SNTG1: variants seen among roughly 807,000 people sequenced by gnomAD.
SNTG1 encodes syntrophin gamma 1.
In SNTG1, 39 loss-of-function variants were observed where a neutral mutation model predicts 74.7. The ratio of observed to expected loss-of-function variants is 0.52; its 90% confidence interval spans 0.40 to 0.68. The LOEUF is 0.68. SNTG1 is among the 30% of genes least tolerant of loss of function. The pLI is 0.00. For synonymous variants in SNTG1, 254 were observed against 217.1 expected (o/e 1.17, Z -1.49); for missense variants, 685 against 609.5 (o/e 1.12, Z -1.30).
chr8:50,640,711 C>T (rs1345719808), intron 13 of SNTG1, among the ~76,000 whole-genome samples: 2 of 152,124 alleles, frequency 1.3e-5, no homozygotes, highest in Non-Finnish European at 2.9e-5. Context: ...GGCCTTTCTG[C>T]TCTTGATCTG....
chr8:50,640,433 C>G (rs958259443), intron 13 of SNTG1, among the ~76,000 whole-genome samples: 1 of 152,278 alleles, frequency 6.6e-6, no homozygotes, highest in South Asian at 2.1e-4. Context: ...TCCTGCAGTT[C>G]TCTCAAGTGG....
intron 9 of SNTG1, among the ~76,000 whole-genome samples, chr8:50,510,579 G>A (rs923991860): frequency 6.6e-6 from 1 of 152,094 alleles, no homozygotes; most frequent in Non-Finnish European, 1.5e-5. Flanking sequence ...ATTAATTATT[G>A]CCACAATTTC....
chr8:49,963,906 C>G (rs1487051237), intron 1 of SNTG1, among the ~76,000 whole-genome samples: 1 of 152,158 alleles, frequency 6.6e-6, no homozygotes, highest in Admixed American at 6.6e-5. Context: ...TCATCAATGT[C>G]TGATATTTAA....
chr8:49,952,549 A>G (rs1809817271), intron 1 of SNTG1, among the ~76,000 whole-genome samples: 1 of 152,178 alleles, frequency 6.6e-6, no homozygotes, highest in Non-Finnish European at 1.5e-5. Context: ...TAGGTTAGAG[A>G]AATAGGCAGT....
At chr8:50,676,760 A>G (rs1191996240) in intron 15 of SNTG1, among the ~76,000 whole-genome samples, 12 of 151,816 alleles carry the variant, frequency 7.9e-5, no homozygotes, top group Admixed American at 7.9e-4. Flanking sequence ...TTATTCTGTA[A>G]TTTATCTTAT....
intron 1 of SNTG1, among the ~76,000 whole-genome samples, chr8:50,054,534 A>G (rs1819862978): frequency 6.6e-6 from 1 of 151,814 alleles, no homozygotes; most frequent in South Asian, 2.1e-4. Context: ...GTTCCATATC[A>G]TTTTTCATAC....
chr8:50,196,976 T>C (rs1026726678), intron 2 of SNTG1, among the ~76,000 whole-genome samples: 5 of 151,860 alleles, frequency 3.3e-5, no homozygotes, highest in Admixed American at 2.0e-4. Flanking sequence ...AGCCAGATTC[T>C]GTCTCAAAAT....
At chr8:50,790,304 A>T (rs1157115657) in intron 18 of SNTG1, among the ~76,000 whole-genome samples, 2 of 151,970 alleles carry the variant, frequency 1.3e-5, no homozygotes, top group Non-Finnish European at 2.9e-5. Flanking sequence ...AACAAAAAAG[A>T]GTAGATGCAT....
chr8:50,052,159 C>A (rs1192023285), intron 1 of SNTG1, among the ~76,000 whole-genome samples: 1 of 151,754 alleles, frequency 6.6e-6, no homozygotes, highest in Admixed American at 6.6e-5. Context: ...TCAAAACTGA[C>A]TAAAAGGATA....
chr8:50,581,312 C>A (rs948124411), intron 12 of SNTG1, among the ~76,000 whole-genome samples: 1 of 152,116 alleles, frequency 6.6e-6, no homozygotes, highest in Non-Finnish European at 1.5e-5. Flanking sequence ...CTAGGAAATC[C>A]TACTGAGAAG....
chr8:50,190,983 G>A (rs780673406), intron 2 of SNTG1, among the ~76,000 whole-genome samples: 9 of 152,072 alleles, frequency 5.9e-5, no homozygotes, highest in African/African-American at 1.2e-4. Context: ...AAATTATGCC[G>A]GGTTATAGTA....
rs779537168 is a variant in SNTG1 at position 50,536,768 on chromosome 8, T to G, written c.640T>G (p.Ser214Ala). The G allele has an allele frequency of 3.1e-6, 5 of 1,613,994 alleles. No individual in the cohort carries two copies. Among genetic ancestry groups the G allele is most frequent in the Non-Finnish European group, 4.2e-6 (5 of 1,179,874 alleles). ...CDLRLIPLLH[S>A]RFSQYVPGTD... is the part of the protein sequence containing the mutation. ...CCTCAGACTGATCCCTCTACTTCAT[T>G]CGCGCTTCTCTCAGTATGTGCCCGG... Residue 214 changes from serine (S) to alanine (A), a missense_variant, in exon 11 of 19, where the codon TCG (serine) becomes GCG (alanine). By Grantham distance (99) the Ser-to-Ala change is moderately conservative. Coordinates refer to ENST00000642720, the MANE Select transcript of SNTG1 (RefSeq NM_018967.5).
intron 8 of SNTG1, among the ~76,000 whole-genome samples, chr8:50,468,491 AT>A (rs774213663): frequency 1.8e-4 from 28 of 151,990 alleles, no homozygotes; most frequent in Non-Finnish European, 3.2e-4. Flanking sequence ...AGCAAAGTAT[AT>A]TTTTCTCCAT....
At chr8:50,511,527 C>A (rs2094075082) in intron 9 of SNTG1, among the ~76,000 whole-genome samples, 1 of 152,044 alleles carries the variant, frequency 6.6e-6, no homozygotes, top group Non-Finnish European at 1.5e-5. Context: ...TTAAAGTCTC[C>A]CATTATTATT....
chr8:50,731,444 G>T (rs2095512806), intron 17 of SNTG1, among the ~76,000 whole-genome samples: 1 of 152,086 alleles, frequency 6.6e-6, no homozygotes, highest in Non-Finnish European at 1.5e-5. Flanking sequence ...ATTTTATACA[G>T]ATCTCATTAC....
At chr8:50,014,608 T>C (rs1330133454) in intron 1 of SNTG1, among the ~76,000 whole-genome samples, 3 of 152,134 alleles carry the variant, frequency 2.0e-5, no homozygotes, top group Non-Finnish European at 4.4e-5. Context: ...CTAGTCTGTC[T>C]TGTAATACGC....
intron 17 of SNTG1, among the ~76,000 whole-genome samples, chr8:50,732,817 G>T (rs2095516145): frequency 6.6e-6 from 1 of 151,822 alleles, no homozygotes; most frequent in South Asian, 2.1e-4. Context: ...TAATATTAAT[G>T]CAGTCTTCTT....
At chr8:50,229,243 G>A (rs1441655641) in intron 2 of SNTG1, among the ~76,000 whole-genome samples, 1 of 151,342 alleles carries the variant, frequency 6.6e-6, no homozygotes, top group Non-Finnish European at 1.5e-5. Flanking sequence ...GCTTAAGTAT[G>A]GTAAATATTA....
At chr8:50,004,901 A>G (rs1181792905) in intron 1 of SNTG1, among the ~76,000 whole-genome samples, 1 of 152,164 alleles carries the variant, frequency 6.6e-6, no homozygotes, top group African/African-American at 2.4e-5. Flanking sequence ...GAAAATGAAC[A>G]AAGTTGGTGT....
Sources: gnomAD v4.1 joint callset for allele counts (sites outside exome capture counted in the v4.1 genomes callset) on GRCh38, gnomAD v4.1.1 for gene constraint, MANE v1.5 for transcripts, NCBI Gene and HGNC (gene_info 2026-07-23, HGNC 2026-07-21) for gene names.